Variants in SYT16 observed in about 807,000 individuals in gnomAD.
The protein encoded by SYT16 is synaptotagmin 16.
A neutral mutation model predicts 61.4 loss-of-function variants in SYT16; 42 were observed. That is an observed-to-expected ratio of 0.68 (90% CI 0.53 to 0.89). SYT16 has a LOEUF of 0.89. Ranked by LOEUF, SYT16 falls within the 40% of genes least tolerant of loss-of-function variation. SYT16 has a pLI of 0.00. For missense variants in SYT16, 804 were observed against 807.3 expected (o/e 1.00, Z 0.05); for synonymous variants, 314 against 302.3 (o/e 1.04, Z -0.40).
Position 62,110,723 on chromosome 14 carries a change from G to C in SYT16, c.*10016G>C, listed in dbSNP as rs1221954514. Reference sequence around the variant, plus strand: ...AAACTGCAAATCCATGTTTTCAGCAGGTTCGCCAACCTTTGAGTTGAATGC... The same window carrying C: ...AAACTGCAAATCCATGTTTTCAGCACGTTCGCCAACCTTTGAGTTGAATGC... On this transcript the variant is annotated 3_prime_UTR_variant, in exon 8 of 8. Coordinates refer to ENST00000683842, the MANE Select transcript of SYT16 (RefSeq NM_001367656.1). 1 of 151,978 alleles carries C rather than the reference G, an allele frequency of 6.6e-6. No homozygotes were observed. The highest frequency in any genetic ancestry group is 2.4e-5 in the African/African-American group (1 of 41,398). The allele number at this position is 151,978 out of a possible 1,614,324, so 9.4% of individuals were successfully genotyped here.
chr14:62,060,343 A>G (rs560402328), intron 3 of SYT16, among the ~76,000 whole-genome samples: 110 of 152,128 alleles, frequency 7.2e-4, no homozygotes, highest in African/African-American at 2.3e-3. Context: ...TTTTTAAAAA[A>G]TTTCATTTGT....
chr14:62,057,041 G>C (rs571682143), intron 3 of SYT16, among the ~76,000 whole-genome samples: 85 of 152,280 alleles, frequency 5.6e-4, no homozygotes, highest in Non-Finnish European at 5.6e-4. Context: ...CACTGCGGTC[G>C]CAAAGCCCAG....
At chr14:62,095,561 A>G (rs1176719014) in intron 7 of SYT16, among the ~76,000 whole-genome samples, 1 of 151,902 alleles carries the variant, frequency 6.6e-6, no homozygotes, top group Non-Finnish European at 1.5e-5. Flanking sequence ...TAGAAAAACA[A>G]CAGAACTTTA....
intron 1 of SYT16, among the ~76,000 whole-genome samples, chr14:61,914,888 T>A (rs2049061584): frequency 6.6e-6 from 1 of 152,166 alleles, no homozygotes; most frequent in Admixed American, 6.6e-5. Context: ...CACTCTGGCT[T>A]AAAACCCTCC....
intron 3 of SYT16, among the ~76,000 whole-genome samples, chr14:62,029,898 G>A (rs1279114857): frequency 1.3e-5 from 2 of 152,148 alleles, no homozygotes; most frequent in African/African-American, 2.4e-5. Context: ...GTGTTTGCCT[G>A]TGTTTTCTGA....
At chr14:61,928,373 C>T (rs1358404766) in intron 1 of SYT16, among the ~76,000 whole-genome samples, 1 of 152,182 alleles carries the variant, frequency 6.6e-6, no homozygotes, top group Non-Finnish European at 1.5e-5. Context: ...GAAAAAAGGA[C>T]ATAACTGAAA....
chr14:61,990,495 T>C (rs1489130896), intron 2 of SYT16, among the ~76,000 whole-genome samples: 1 of 152,190 alleles, frequency 6.6e-6, no homozygotes, highest in African/African-American at 2.4e-5. Flanking sequence ...TAGATGAACT[T>C]GTATACAATT....
chr14:61,887,859 G>A (rs1476042825), intron 1 of SYT16, among the ~76,000 whole-genome samples: 4 of 152,158 alleles, frequency 2.6e-5, no homozygotes, highest in African/African-American at 9.7e-5. Context: ...TCAGCAGTAA[G>A]GCTGTTTTGC....
intron 3 of SYT16, among the ~76,000 whole-genome samples, chr14:62,028,820 A>G (rs1465957841): frequency 1.8e-4 from 27 of 152,216 alleles, no homozygotes; most frequent in Admixed American, 1.8e-3. Flanking sequence ...AGATAATTGT[A>G]AAAGAAAATT....
chr14:62,005,103 G>T (rs1344266997), intron 3 of SYT16, among the ~76,000 whole-genome samples: 1 of 152,130 alleles, frequency 6.6e-6, no homozygotes, highest in Non-Finnish European at 1.5e-5. Flanking sequence ...GAGAGTATTG[G>T]GTTGCCTCAT....
Position 62,102,422 on chromosome 14 carries a change from A to G in SYT16, c.*1715A>G, listed in dbSNP as rs1468359385. 2.6e-5 allele frequency: 4 copies of G among 152,192 alleles called. No homozygotes were observed. The highest frequency in any genetic ancestry group is 2.9e-5 in the Non-Finnish European group (2 of 68,024). The allele number at this position is 152,192 out of a possible 1,614,324, so 9.4% of individuals were successfully genotyped here. ...TTCAGGTCATGGGAGTTTCATATAT[A>G]TGGCTGCTCAGTTATTAGGAATATG... On this transcript the variant is annotated 3_prime_UTR_variant, in exon 8 of 8. Transcript: ENST00000683842.
chr14:61,839,496 G>A (rs1448939081), intron 1 of SYT16, among the ~76,000 whole-genome samples: 1 of 152,220 alleles, frequency 6.6e-6, no homozygotes, highest in Admixed American at 6.5e-5. Context: ...TATAAGTCAG[G>A]AGGTAACCTA....
chr14:61,957,172 A>G (rs1595011259), intron 1 of SYT16, among the ~76,000 whole-genome samples: 1 of 151,252 alleles, frequency 6.6e-6, no homozygotes, highest in East Asian at 2.0e-4. Context: ...AGCATTACTG[A>G]ATTCACTGAT....
chr14:62,089,455 A>G (rs186336819), intron 7 of SYT16, among the ~76,000 whole-genome samples: 88 of 152,236 alleles, frequency 5.8e-4, no homozygotes, highest in Admixed American at 1.3e-3. Flanking sequence ...CTATGTATCT[A>G]TCTGTCTATC....
intron 3 of SYT16, among the ~76,000 whole-genome samples, chr14:62,044,186 C>A (rs1441928644): frequency 5.4e-5 from 8 of 148,410 alleles, no homozygotes; most frequent in Non-Finnish European, 1.2e-4. Flanking sequence ...GGTGACAGAG[C>A]AAGACCCTGT....
chr14:61,945,207 A>G (rs2050375101), intron 1 of SYT16, among the ~76,000 whole-genome samples: 1 of 152,216 alleles, frequency 6.6e-6, no homozygotes, highest in Non-Finnish European at 1.5e-5. Flanking sequence ...GCCAGTTAGA[A>G]TGGTGATTAT....
intron 3 of SYT16, among the ~76,000 whole-genome samples, chr14:62,003,985 A>G (rs1327289178): frequency 6.6e-6 from 1 of 152,188 alleles, no homozygotes; most frequent in East Asian, 1.9e-4. Flanking sequence ...TGACATTTTC[A>G]GGGATGGATC....
At chr14:61,814,122 T>A (rs2045353368) in intron 1 of SYT16, among the ~76,000 whole-genome samples, 1 of 152,196 alleles carries the variant, frequency 6.6e-6, no homozygotes, top group Non-Finnish European at 1.5e-5. Flanking sequence ...CCTGCTGTTT[T>A]GCCATCATCT....
At chr14:62,084,087 G>A (rs1018832368) in intron 6 of SYT16, 109 bp from the exon 7 acceptor site, 1 of 1,332,374 alleles carries the variant, frequency 7.5e-7, no homozygotes. Flanking sequence ...GTCATCTTTG[G>A]CAGTCATTGG....
Sources: gnomAD v4.1 joint callset for allele counts (sites outside exome capture counted in the v4.1 genomes callset) on GRCh38, gnomAD v4.1.1 for gene constraint, MANE v1.5 for transcripts, NCBI Gene and HGNC (gene_info 2026-07-23, HGNC 2026-07-21) for gene names.